KPNA5: variants seen among roughly 807,000 people sequenced by gnomAD.
KPNA5 encodes karyopherin subunit alpha 5.
KPNA5 carries 46 observed loss-of-function variants against 71.3 expected under a neutral mutation model. The observed-to-expected ratio is 0.65, with a 90% CI of 0.51 to 0.83. The LOEUF (loss-of-function observed/expected upper bound fraction) is 0.83. KPNA5 is among the 40% of genes least tolerant of loss of function. KPNA5 has a pLI of 0.00. For missense variants in KPNA5, 547 were observed against 628.3 expected, an observed-to-expected ratio of 0.87 and a Z score of 1.38; for synonymous variants, 207 against 201.4, an observed-to-expected ratio of 1.03 and a Z score of -0.24.
rs1208051131 is a variant in KPNA5 at position 116,735,533 on chromosome 6, A to G, written c.*3210A>G. ...CTTTAAATTCTGACTGGGGAGTAAGAAGAGAAGATATTCTTACCCTACTAA... is the reference window on the plus strand; with the variant it reads ...CTTTAAATTCTGACTGGGGAGTAAGGAGAGAAGATATTCTTACCCTACTAA... On this transcript the variant is annotated 3_prime_UTR_variant, in exon 14 of 14. Transcript: ENST00000368564. The G allele has an allele frequency of 2.0e-5, 3 of 151,774 alleles. No homozygotes were observed. Among genetic ancestry groups the G allele is most frequent in the Non-Finnish European group, 3.0e-5 (2 of 67,746 alleles). 9.4% of individuals were successfully genotyped at this position (151,774 alleles called of 1,614,324 possible).
rs1562437696 is a variant in KPNA5 at position 116,702,089 on chromosome 6, C to T, written c.506C>T (p.Thr169Ile). 2 of 1,613,854 alleles carry T rather than the reference C, an allele frequency of 1.2e-6. No homozygotes were observed. The highest frequency in any genetic ancestry group is 8.5e-7 in the Non-Finnish European group (1 of 1,179,898). The change falls in exon 6 of 14, where the codon ACT becomes ATT. Residue 169 changes from threonine (T) to isoleucine (I), a missense_variant. Coordinates refer to ENST00000368564, the MANE Select transcript of KPNA5 (RefSeq NM_001366306.2). ...CTGCATACCAAGGTAGTGATTGAAA[C>T]TGGGGCTGTTCCGATTTTTATCAAA... ...TFLHTKVVIE[T>I]GAVPIFIKLL...
rs1562463261 is a variant in KPNA5, at chr6:116,740,203, CAAAAG to C, written c.*7883_*7887del. On this transcript the variant is annotated 3_prime_UTR_variant, in exon 14 of 14. Transcript: ENST00000368564. ...GTGAAGGACATGAACAGACACTTCT[CAAAAG>C]AAGACATTTATGCAGCCAAAAAACA... is the stretch of plus-strand genomic sequence containing the variant. The C allele has an allele frequency of 6.6e-6, 1 of 152,102 alleles. No homozygotes were observed. The highest frequency in any genetic ancestry group is 1.5e-5 in the Non-Finnish European group (1 of 68,026). 9.4% of individuals were successfully genotyped at this position (152,102 alleles called of 1,614,324 possible).
chr6:116,731,367 A>G (rs1201801798), intron 13 of KPNA5, among the ~76,000 whole-genome samples: 1 of 152,180 alleles, frequency 6.6e-6, no homozygotes, highest in Non-Finnish European at 1.5e-5. Context: ...TACTACAGTC[A>G]TTATTTTGAC....
At position 116,739,850 on chromosome 6, in the gene KPNA5, G is replaced by C. The variant is rs890379485; in HGVS notation, c.*7527G>C. 2.0e-5 allele frequency: 3 copies of C among 151,852 alleles called. No individual in the cohort carries two copies. The highest frequency in any genetic ancestry group is 7.3e-5 in the African/African-American group (3 of 41,318). The allele number at this position is 151,852 out of a possible 1,614,324, so 9.4% of individuals were successfully genotyped here. A position where few individuals can be genotyped will look rare whatever the true frequency, so the allele number is the denominator to read the frequency against. On this transcript the variant is annotated 3_prime_UTR_variant, in exon 14 of 14. Transcript: ENST00000368564. Reference sequence around the variant, plus strand: ...ACACCTTATACAAAAATTAATTCAAGATGGATTAAAGACTTAAACATTAGA... The same window carrying C: ...ACACCTTATACAAAAATTAATTCAACATGGATTAAAGACTTAAACATTAGA...
chr6:116,690,893 G>A (rs550509833), intron 2 of KPNA5, among the ~76,000 whole-genome samples: 13 of 152,212 alleles, frequency 8.5e-5, no homozygotes, highest in African/African-American at 2.6e-4. Flanking sequence ...CTAATACAGT[G>A]TAAATGCTGT....
At chr6:116,723,147 T>C (rs764494986) in intron 9 of KPNA5, among the ~76,000 whole-genome samples, 8 of 152,066 alleles carry the variant, frequency 5.3e-5, no homozygotes, top group African/African-American at 1.2e-4. Context: ...TTGGCTGATA[T>C]AGGGAGGTTA....
intron 9 of KPNA5, among the ~76,000 whole-genome samples, 180 bp downstream of exon 9, chr6:116,722,469 A>T (rs534585612): frequency 2.0e-5 from 3 of 152,216 alleles, no homozygotes; most frequent in Non-Finnish European, 4.4e-5. Flanking sequence ...TTTGGAACTT[A>T]TGTCCTATAG....
intron 8 of KPNA5, 126 bp from the exon 9 acceptor site, chr6:116,722,000 C>A: frequency 1.6e-6 from 1 of 614,486 alleles, no homozygotes; most frequent in Non-Finnish European, 2.6e-6. Context: ...AATTTTAAAA[C>A]AATATAAATT....
chr6:116,700,623 G>C lies in KPNA5; in HGVS notation c.436-1396G>C, dbSNP rs114000986. Among the ~76,000 whole-genome samples, 1,115 of 152,248 alleles carry C rather than the reference G, an allele frequency of 7.3e-3. 18 individuals carry two copies. Among genetic ancestry groups the C allele is most frequent in the African/African-American group, 0.024 (987 of 41,542 alleles). On this transcript the variant is annotated intron_variant, in intron 5 of 13. Transcript: ENST00000368564. ...GTGAAATATGTTAGTTAATATGATTGGTCCATCTAACAGGCCTTAAATTGG... is the reference window on the plus strand; with the variant it reads ...GTGAAATATGTTAGTTAATATGATTCGTCCATCTAACAGGCCTTAAATTGG...
chr6:116,710,894 T>TATATATATATATA (rs57807333), intron 7 of KPNA5, among the ~76,000 whole-genome samples: 1,643 of 78,828 alleles, frequency 0.021, 101 homozygotes, highest in South Asian at 0.037. Context: ...TATATATATA[T>TATATATATATATA]TTTTTTTTTT....
rs750307649 is a variant in KPNA5, at chr6:116,689,320, A to G, written c.5A>G (p.Asp2Gly). The part of the protein sequence containing the change: M[D>G]AMASPGKDNY... The stretch of plus-strand genomic sequence containing the variant: ...TGTTTTCTTTTCTCCTTCCTTTAAG[A>G]TGCCATGGCTAGTCCAGGGAAAGAT... Residue 2 changes from aspartate to glycine, a missense_variant and splice_region_variant, in exon 2 of 14, where the codon GAT (aspartate) becomes GGT (glycine). Physicochemically the swap from Asp to Gly is moderately conservative, Grantham distance 94. Coordinates refer to ENST00000368564, the MANE Select transcript of KPNA5 (RefSeq NM_001366306.2). 1 of 1,599,840 alleles carries G rather than the reference A, an allele frequency of 6.3e-7. No homozygotes were observed. Among genetic ancestry groups the G allele is most frequent in the Admixed American group, 1.8e-5 (1 of 55,254 alleles).
At chr6:116,706,031 A>G (rs1778425539) in intron 7 of KPNA5, among the ~76,000 whole-genome samples, 1 of 152,234 alleles carries the variant, frequency 6.6e-6, no homozygotes, top group Non-Finnish European at 1.5e-5. Context: ...CTTAAAGTTA[A>G]TGGTCCATAG....
chr6:116,688,006 A>G (rs894470084), intron 1 of KPNA5, among the ~76,000 whole-genome samples: 2 of 152,114 alleles, frequency 1.3e-5, no homozygotes, highest in African/African-American at 4.8e-5. Flanking sequence ...ATGCATCCTC[A>G]TTTTGGACAC....
chr6:116,723,456 A>G (rs1018817167), intron 9 of KPNA5, among the ~76,000 whole-genome samples: 2 of 152,184 alleles, frequency 1.3e-5, no homozygotes, highest in Non-Finnish European at 2.9e-5. Flanking sequence ...TGTTGGAGAA[A>G]TGACTGGTTT....
At chr6:116,724,204 G>A (rs925860304) in intron 9 of KPNA5, 93 bp from the exon 10 acceptor site, 20 of 708,724 alleles carry the variant, frequency 2.8e-5, no homozygotes, top group African/African-American at 2.5e-4. Flanking sequence ...ATCTTTGGCT[G>A]AACACCCCGC....
At chr6:116,682,020 A>G (rs1351916823) in intron 1 of KPNA5, among the ~76,000 whole-genome samples, 1 of 152,148 alleles carries the variant, frequency 6.6e-6, no homozygotes, top group African/African-American at 2.4e-5. Context: ...TAATCCCAGC[A>G]CTTTGGGAGG....
intron 8 of KPNA5, among the ~76,000 whole-genome samples, chr6:116,718,893 A>G (rs1268865460): frequency 6.6e-5 from 10 of 151,554 alleles, no homozygotes; most frequent in Non-Finnish European, 8.8e-5. Context: ...TCAGCCCCCC[A>G]AGTAGCTGGG....
rs150107300 is a variant in KPNA5, at chr6:116,722,268, G to A, written c.899G>A (p.Arg300Gln). 2.9e-4 allele frequency: 460 copies of A among 1,608,076 alleles called. 3 individuals are homozygous for A. The East Asian group carries it at 5.8e-3, about 20-fold the overall frequency. ...GCAGTCATTGATTCTGGAGTCTGTC[G>A]AAGATTGGTGGAACTTTTGATGTAA... The part of the protein sequence containing the change: ...IQAVIDSGVC[R>Q]RLVELLMHND... Residue 300 changes from arginine to glutamine, a missense_variant, in exon 9 of 14, where the codon CGA (arginine) becomes CAA (glutamine). Transcript: ENST00000368564.
chr6:116,712,850 A>G (rs1178787961), intron 7 of KPNA5, among the ~76,000 whole-genome samples: 1 of 151,966 alleles, frequency 6.6e-6, no homozygotes. Flanking sequence ...CTATTTTTTT[A>G]AAAAGTTTTT....
Sources: allele counts gnomAD v4.1 joint callset (sites outside exome capture counted in the v4.1 genomes callset), GRCh38; gene constraint gnomAD v4.1.1; transcripts MANE v1.5; gene names NCBI Gene and HGNC (gene_info 2026-07-23, HGNC 2026-07-21).